Variants in THADA observed in about 807,000 individuals in gnomAD.
THADA encodes the protein THADA armadillo repeat containing, also known as tRNA (32-2'-O)-methyltransferase regulator THADA.
In THADA, 213 loss-of-function variants were observed where a neutral mutation model predicts 219.8. The ratio of observed to expected loss-of-function variants is 0.97; its 90% CI spans 0.87 to 1.09. The LOEUF (loss-of-function observed/expected upper bound fraction) is 1.09, where lower values mean the gene tolerates loss of function less well. THADA is among the 50% of genes least tolerant of loss of function. The pLI is 0.00. For synonymous variants in THADA, 1,018 were observed against 828.9 expected (o/e 1.23, Z -3.92); for missense variants, 2,956 against 2,311.3 (o/e 1.28, Z -5.72).
At chr2:43,398,199 A>G in intron 28 of THADA, 60 bp from the exon 29 acceptor site, 2 of 1,544,426 alleles carry the variant, frequency 1.3e-6, no homozygotes, top group Non-Finnish European at 1.8e-6. Flanking sequence ...GTGACTTTGT[A>G]TATACTTACA....
intron 9 of THADA, among the ~76,000 whole-genome samples, chr2:43,577,451 G>T (rs1004294238): frequency 6.6e-6 from 1 of 150,648 alleles, no homozygotes; most frequent in Admixed American, 6.6e-5. Flanking sequence ...TTGCTGGTTG[G>T]AATGTACTGG....
intron 17 of THADA, chr2:43,556,141 T>A: frequency 8.6e-7 from 1 of 1,157,180 alleles, no homozygotes; most frequent in Non-Finnish European, 1.1e-6. Flanking sequence ...TATGTACTTA[T>A]TCAACATAAA....
At chr2:43,368,740 T>A (rs1670461941) in intron 29 of THADA, among the ~76,000 whole-genome samples, 1 of 152,042 alleles carries the variant, frequency 6.6e-6, no homozygotes, top group African/African-American at 2.4e-5. Flanking sequence ...TCCTTTTAAT[T>A]TACCTATACT....
intron 26 of THADA, among the ~76,000 whole-genome samples, chr2:43,470,015 A>C (rs1438887191): frequency 1.3e-5 from 2 of 152,108 alleles, no homozygotes; most frequent in Non-Finnish European, 2.9e-5. Flanking sequence ...GTTTGAGGCC[A>C]GCATGGGCAA....
chr2:43,527,616 T>C (rs763096365), intron 22 of THADA, among the ~76,000 whole-genome samples: 22 of 152,004 alleles, frequency 1.4e-4, no homozygotes, highest in Non-Finnish European at 2.2e-4. Context: ...AAACAGTAAT[T>C]TCAAAGCTAT....
chr2:43,451,535 C>G (rs1682336172), intron 26 of THADA, among the ~76,000 whole-genome samples: 1 of 152,234 alleles, frequency 6.6e-6, no homozygotes, highest in Admixed American at 6.5e-5. Flanking sequence ...AATTTCTGCT[C>G]TGATCCCAGC....
At chr2:43,563,785 G>A (rs1698354033) in intron 15 of THADA, 1 of 152,110 alleles carries the variant, frequency 6.6e-6, no homozygotes, top group Non-Finnish European at 1.5e-5. Context: ...TCCTACCACT[G>A]AAGTTCTTGA....
chr2:43,515,303 G>A (rs13004881), intron 22 of THADA, among the ~76,000 whole-genome samples: 57 of 2,886 alleles, frequency 0.02, 1 homozygote, highest in Non-Finnish European at 0.053. Flanking sequence ...TATATAATAT[G>A]TAATATATAA....
At chr2:43,565,918 C>G (rs1025661159) in intron 15 of THADA, 1 of 152,404 alleles carries the variant, frequency 6.6e-6, no homozygotes, top group African/African-American at 2.4e-5. Flanking sequence ...GAAACCCCAT[C>G]TCTACTAAAA....
At chr2:43,252,486 A>C (rs989466319) in intron 36 of THADA, among the ~76,000 whole-genome samples, 1 of 152,150 alleles carries the variant, frequency 6.6e-6, no homozygotes, top group Non-Finnish European at 1.5e-5. Flanking sequence ...TATAACAGAG[A>C]GACACAGTTT....
chr2:43,405,316 A>G lies in THADA; in HGVS notation c.4059-7177T>C, dbSNP rs563964812. ...GTGGGTACGTGTGCATGCATAAAAG[A>G]GAGAAACCACACACACACACCAAGT... is the stretch of plus-strand genomic sequence containing the variant. On this transcript the variant is annotated intron_variant, in intron 28 of 37. Coordinates refer to ENST00000405975, the MANE Select transcript of THADA (RefSeq NM_022065.5). 8.4e-4 allele frequency among the ~76,000 whole-genome samples: 128 copies of G among 152,340 alleles called. 1 individual carries two copies. Among genetic ancestry groups the G allele is most frequent in the African/African-American group, 3.0e-3 (126 of 41,572 alleles).
At chr2:43,278,719 C>CT (rs1673006144) in intron 36 of THADA, among the ~76,000 whole-genome samples, 3 of 152,164 alleles carry the variant, frequency 2.0e-5, no homozygotes, top group African/African-American at 4.8e-5. Flanking sequence ...ACCATTTTGA[C>CT]TGAGGATTCA....
At chr2:43,471,661 C>T (rs551317578) in intron 26 of THADA, among the ~76,000 whole-genome samples, 8 of 152,306 alleles carry the variant, frequency 5.3e-5, no homozygotes, top group South Asian at 2.1e-4. Flanking sequence ...AAAACATATA[C>T]ATCATAGACA....
rs377200312 is a variant in THADA, at chr2:43,462,573, T to A, written c.3836+22661A>T. Among the ~76,000 whole-genome samples, 13 of 152,320 alleles carry A rather than the reference T, an allele frequency of 8.5e-5. No individual in the cohort carries two copies. In the East Asian group the frequency reaches 1.9e-3, roughly 23 times the overall value. ...AAAAGTGATATTTAAATGTAATATA[T>A]GGAAATGATTAGGGCAACATTTAAT... On this transcript the variant is annotated intron_variant, in intron 26 of 37. Coordinates refer to ENST00000405975, the MANE Select transcript of THADA (RefSeq NM_022065.5).
At chr2:43,252,389 G>A (rs1669895245) in intron 36 of THADA, among the ~76,000 whole-genome samples, 1 of 152,150 alleles carries the variant, frequency 6.6e-6, no homozygotes, top group Admixed American at 6.5e-5. Context: ...GGGTACTTAT[G>A]TGCAAGGCAC....
intron 30 of THADA, among the ~76,000 whole-genome samples, chr2:43,328,865 CT>C (rs1679638105): frequency 2.6e-5 from 4 of 152,208 alleles, no homozygotes; most frequent in Admixed American, 2.0e-4. Context: ...AATGCCATGC[CT>C]TTGCCTTTCC....
intron 26 of THADA, among the ~76,000 whole-genome samples, chr2:43,437,481 G>A (rs1680268154): frequency 1.3e-5 from 2 of 152,180 alleles, no homozygotes; most frequent in African/African-American, 4.8e-5. Context: ...TCATCCTGCT[G>A]CTTGGTGTCC....
intron 26 of THADA, among the ~76,000 whole-genome samples, chr2:43,462,792 A>G (rs1204207368): frequency 6.6e-6 from 1 of 152,166 alleles, no homozygotes; most frequent in East Asian, 1.9e-4. Flanking sequence ...ATCACAAAAC[A>G]AAAAGCCATC....
intron 29 of THADA, among the ~76,000 whole-genome samples, chr2:43,347,570 G>A (rs1056141641): frequency 3.3e-5 from 5 of 152,162 alleles, no homozygotes; most frequent in African/African-American, 1.2e-4. Flanking sequence ...ATAATAATGT[G>A]TAAATACTGC....
Sources: allele counts gnomAD v4.1 joint callset (sites outside exome capture counted in the v4.1 genomes callset), GRCh38; gene constraint gnomAD v4.1.1; transcripts MANE v1.5; gene names NCBI Gene and HGNC (gene_info 2026-07-23, HGNC 2026-07-21).